The following SLC1A7 variants were observed in gnomAD, a reference collection of about 807,000 sequenced individuals.
SLC1A7 encodes the protein solute carrier family 1 member 7, also known as excitatory amino acid transporter 5.
Under a neutral mutation model 47.7 loss-of-function variants are expected in SLC1A7, and 40 were observed. The ratio of observed to expected loss-of-function variants is 0.84; its 90% CI spans 0.65 to 1.09. The LOEUF is 1.09. Ranked by LOEUF, SLC1A7 falls within the 50% of genes least tolerant of loss-of-function variation. SLC1A7 has a pLI of 0.00. For synonymous variants in SLC1A7, 323 were observed against 325.6 expected (o/e 0.99, Z 0.09); for missense variants, 746 against 769.5 (o/e 0.97, Z 0.36).
At chr1:53,095,495 C>G (rs571284989) in intron 5 of SLC1A7, among the ~76,000 whole-genome samples, 1 of 150,758 alleles carries the variant, frequency 6.6e-6, no homozygotes, top group Non-Finnish European at 1.5e-5. Flanking sequence ...TTCACACCGC[C>G]TCGGTACACT....
chr1:53,094,493 G>C (rs550893412), intron 5 of SLC1A7, among the ~76,000 whole-genome samples: 55 of 152,332 alleles, frequency 3.6e-4, no homozygotes, highest in African/African-American at 1.2e-3. Context: ...CTCAGCTAGG[G>C]AGGCAGGGTG....
intron 5 of SLC1A7, among the ~76,000 whole-genome samples, chr1:53,101,656 CACTCCTCATCTT>C (rs1644583203): frequency 1.3e-5 from 2 of 150,920 alleles, no homozygotes; most frequent in Non-Finnish European, 1.5e-5. Context: ...GGTACACTCA[CACTCCTCATCTT>C]GGTACACTCA....
intron 5 of SLC1A7, among the ~76,000 whole-genome samples, chr1:53,095,440 TCACA>T (rs1421025202): frequency 6.7e-6 from 1 of 149,634 alleles, no homozygotes; most frequent in Non-Finnish European, 1.5e-5. Context: ...CTTGGTACAC[TCACA>T]CACCCCGCCT....
At chr1:53,104,930 C>G (rs1409765431) in intron 4 of SLC1A7, among the ~76,000 whole-genome samples, 3 of 152,162 alleles carry the variant, frequency 2.0e-5, no homozygotes, top group African/African-American at 7.2e-5. Flanking sequence ...TGAAAACAAC[C>G]TAAGGGAACA....
At chr1:53,092,487 G>A in intron 7 of SLC1A7, 67 bp downstream of exon 7, 2 of 1,183,170 alleles carry the variant, frequency 1.7e-6, no homozygotes, top group East Asian at 5.0e-5. Flanking sequence ...AACCAATGAT[G>A]GCTGGACAGA....
rs1308621002 is a variant in SLC1A7, at chr1:53,103,428, C to A, written c.615G>T (p.Pro205=). The A allele has an allele frequency of 6.2e-7, 1 of 1,612,014 alleles. No individual in the cohort carries two copies. Among genetic ancestry groups the A allele is most frequent in the African/African-American group, 1.3e-5 (1 of 74,980 alleles). ...VQNFALDLTP[P]PEVVYKSEPG... ...GCTCTGACTTGTAAACGACCTCGGG[C>A]GGCGGGGTCAGGTCCAGGGCGAAGT... The change falls in exon 5 of 11, where the codon CCG becomes CCT. Residue 205 remains proline, a synonymous_variant. Transcript: ENST00000371494.
intron 2 of SLC1A7, among the ~76,000 whole-genome samples, chr1:53,134,089 A>G (rs536272420): frequency 1.3e-5 from 2 of 152,256 alleles, no homozygotes; most frequent in African/African-American, 2.4e-5. Context: ...GCCTTGAGCT[A>G]TCTTGGAGTC....
intron 5 of SLC1A7, among the ~76,000 whole-genome samples, chr1:53,096,476 C>T (rs895629289): frequency 1.3e-5 from 2 of 150,470 alleles, no homozygotes; most frequent in African/African-American, 4.9e-5. Flanking sequence ...ACACACCCCA[C>T]CTTAGCACAC....
At chr1:53,142,269 C>G in intron 1 of SLC1A7, 46 bp downstream of exon 1, 1 of 1,539,186 alleles carries the variant, frequency 6.5e-7, no homozygotes, top group Non-Finnish European at 8.8e-7. Flanking sequence ...CTCAGGCCCA[C>G]ACGCCCCTCC....
intron 2 of SLC1A7, among the ~76,000 whole-genome samples, chr1:53,125,138 C>T (rs948461002): frequency 2.6e-5 from 4 of 152,118 alleles, no homozygotes; most frequent in Non-Finnish European, 5.9e-5. Context: ...ACACGGAAGA[C>T]GGCTGAGGAG....
In SLC1A7 at chr1:53,107,650, A is replaced by T. The variant is rs184557863; in HGVS notation, c.432-1876T>A. On this transcript the variant is annotated intron_variant, in intron 3 of 10. Transcript: ENST00000371494. ...AGCTGGAGAGACTGCGTGACCAAGCACTACCATCCTAAATCTACTAAGAGC... is the reference window on the plus strand; with the variant it reads ...AGCTGGAGAGACTGCGTGACCAAGCTCTACCATCCTAAATCTACTAAGAGC... Among the ~76,000 whole-genome samples the T allele has an allele frequency of 2.0e-5, 3 of 152,330 alleles. No individual in the cohort carries two copies. In the South Asian group the frequency reaches 6.2e-4, roughly 32 times the overall value.
intron 10 of SLC1A7, 86 bp downstream of exon 10, chr1:53,088,791 C>T: frequency 3.1e-6 from 3 of 964,016 alleles, no homozygotes; most frequent in Non-Finnish European, 4.8e-6. Flanking sequence ...CTGGAGGCTG[C>T]CGAGCTGGTT....
intron 1 of SLC1A7, among the ~76,000 whole-genome samples, chr1:53,135,050 G>A (rs901730101): frequency 6.6e-6 from 1 of 152,018 alleles, no homozygotes; most frequent in African/African-American, 2.4e-5. Flanking sequence ...TCATTGGGGG[G>A]CTTAAACGGG....
rs114165386 is a variant in SLC1A7, at chr1:53,117,303, G to A, written c.216-2330C>T. ...AGAAGGGATAGAGAAGATAGGCTGA[G>A]CTCAGGAGTAGGGTGGCCTTGTGGC... On this transcript the variant is annotated intron_variant, in intron 2 of 10. Transcript: ENST00000371494. Among the ~76,000 whole-genome samples, 609 of 152,338 alleles carry A rather than the reference G, an allele frequency of 4.0e-3. 4 individuals are homozygous for A. Among genetic ancestry groups the A allele is most frequent in the African/African-American group, 0.014 (580 of 41,570 alleles).
At chr1:53,126,100 G>A (rs1201110018) in intron 2 of SLC1A7, among the ~76,000 whole-genome samples, 4 of 152,222 alleles carry the variant, frequency 2.6e-5, no homozygotes, top group Non-Finnish European at 5.9e-5. Flanking sequence ...GCCTTGGAGT[G>A]GGTTGCTGTT....
chr1:53,114,893 G>A lies in SLC1A7; in HGVS notation c.296C>T (p.Thr99Ile), dbSNP rs1156535276. 1.2e-6 allele frequency: 2 copies of A among 1,614,206 alleles called. No homozygotes were observed. Among genetic ancestry groups the A allele is most frequent in the South Asian group, 2.2e-5 (2 of 91,084 alleles). Residue 99 changes from threonine (T) to isoleucine (I), a missense_variant, in exon 3 of 11, where the codon ACC becomes ATC. Coordinates refer to ENST00000371494, the MANE Select transcript of SLC1A7 (RefSeq NM_006671.6). Reference sequence around the variant, plus strand: ...GCCCACGATGACAGCCATGAAGGTGGTCCACAGGTAGTACGCCACGGTGAG... The same window carrying A: ...GCCCACGATGACAGCCATGAAGGTGATCCACAGGTAGTACGCCACGGTGAG... ...GVLTVAYYLW[T>I]TFMAVIVGIF... is the part of the protein sequence containing the mutation.
intron 1 of SLC1A7, among the ~76,000 whole-genome samples, chr1:53,138,142 C>G (rs1410292936): frequency 6.6e-6 from 1 of 152,206 alleles, no homozygotes; most frequent in Admixed American, 6.5e-5. Flanking sequence ...CCCTTGTCTT[C>G]TAGCTTCCAG....
chr1:53,134,518 T>C, intron 1 of SLC1A7, 89 bp from the exon 2 acceptor site: 1 of 791,608 alleles, frequency 1.3e-6, no homozygotes, highest in East Asian at 2.7e-5. Flanking sequence ...CACTATCCCA[T>C]CTGACTCCCC....
chr1:53,139,861 GA>G (rs1427398265), intron 1 of SLC1A7, among the ~76,000 whole-genome samples: 1 of 151,802 alleles, frequency 6.6e-6, no homozygotes, highest in Non-Finnish European at 1.5e-5. Flanking sequence ...AGGAAGGAGG[GA>G]AAAAAATGGA....
Sources: gnomAD v4.1 joint callset for allele counts (sites outside exome capture counted in the v4.1 genomes callset) on GRCh38, gnomAD v4.1.1 for gene constraint, MANE v1.5 for transcripts, NCBI Gene and HGNC (gene_info 2026-07-23, HGNC 2026-07-21) for gene names.